The following CAPZB variants were observed in gnomAD, a reference collection of about 807,000 sequenced individuals.
The protein encoded by CAPZB is F-actin-capping protein subunit beta.
CAPZB carries 2 observed loss-of-function variants against 38.1 expected under a neutral mutation model. That is an observed-to-expected ratio of 0.05 (90% CI 0.02 to 0.17). The LOEUF is 0.17. CAPZB is among the 10% of genes least tolerant of loss of function. CAPZB has a pLI of 1.00. For missense variants in CAPZB, 161 were observed against 334.2 expected (o/e 0.48, Z 4.04); for synonymous variants, 107 against 127.4 (o/e 0.84, Z 1.08).
chr1:19,395,182 T>C (rs567852920), intron 2 of CAPZB, among the ~76,000 whole-genome samples: 95 of 152,328 alleles, frequency 6.2e-4, no homozygotes, highest in African/African-American at 2.2e-3. Flanking sequence ...CCTGCTCATA[T>C]GAGGCACATG....
chr1:19,482,671 G>T (rs573440304), intron 1 of CAPZB, among the ~76,000 whole-genome samples: 163 of 152,270 alleles, frequency 1.1e-3, no homozygotes, highest in African/African-American at 3.5e-3. Flanking sequence ...CAAAAATCAT[G>T]GAATTCATTC....
chr1:19,428,413 C>A lies in CAPZB; in HGVS notation c.4-8663G>T, dbSNP rs1056496774. ...GTGAGACTGTCCCACACCCTCCCCCCACCTGCCAAAAAAAAAAAGAAAAAG... is the reference window on the plus strand; with the variant it reads ...GTGAGACTGTCCCACACCCTCCCCCAACCTGCCAAAAAAAAAAAGAAAAAG... On this transcript the variant is annotated intron_variant, in intron 1 of 8. Coordinates refer to ENST00000264202, the MANE Select transcript of CAPZB (RefSeq NM_004930.5). Among the ~76,000 whole-genome samples the A allele has an allele frequency of 1.4e-4, 21 of 148,722 alleles. 1 individual carries two copies. Among genetic ancestry groups the A allele is most frequent in the Admixed American group, 1.4e-3 (20 of 14,650 alleles).
chr1:19,455,005 T>TC (rs1558277883), intron 1 of CAPZB, among the ~76,000 whole-genome samples: 1 of 152,160 alleles, frequency 6.6e-6, no homozygotes, highest in African/African-American at 2.4e-5. Context: ...AGGACACCGG[T>TC]CCCGCAAAGA....
intron 2 of CAPZB, 168 bp from the exon 3 acceptor site, chr1:19,385,794 CAACT>C: frequency 1.3e-6 from 1 of 799,820 alleles, no homozygotes; most frequent in Non-Finnish European, 2.3e-6. Flanking sequence ...TGTCTGACAC[CAACT>C]GTGTCCCTCT....
chr1:19,416,140 G>GT (rs891224433), intron 2 of CAPZB, among the ~76,000 whole-genome samples: 4 of 152,274 alleles, frequency 2.6e-5, no homozygotes, highest in African/African-American at 9.6e-5. Flanking sequence ...TCCGAGAAGG[G>GT]TTTTTTTGCC....
intron 2 of CAPZB, among the ~76,000 whole-genome samples, chr1:19,387,391 A>T (rs1269188284): frequency 6.6e-6 from 1 of 152,202 alleles, no homozygotes; most frequent in Non-Finnish European, 1.5e-5. Flanking sequence ...CTTCAACTGG[A>T]AGGAAGTCCT....
intron 2 of CAPZB, among the ~76,000 whole-genome samples, chr1:19,407,259 G>A (rs1481483649): frequency 6.6e-6 from 1 of 152,314 alleles, no homozygotes. Flanking sequence ...CTTGGCTAGT[G>A]GCACCTCACA....
At chr1:19,342,294 C>G (rs1276280398) in intron 8 of CAPZB, among the ~76,000 whole-genome samples, 1 of 152,244 alleles carries the variant, frequency 6.6e-6, no homozygotes, top group Non-Finnish European at 1.5e-5. Context: ...TCCAAGCCAG[C>G]TAGCCCTGGA....
intron 4 of CAPZB, among the ~76,000 whole-genome samples, chr1:19,362,357 T>G (rs1371718942): frequency 6.6e-6 from 1 of 152,164 alleles, no homozygotes; most frequent in African/African-American, 2.4e-5. Context: ...CTGCTTCAGC[T>G]TCCCAAGTAG....
intron 1 of CAPZB, among the ~76,000 whole-genome samples, chr1:19,440,598 A>G (rs2094472639): frequency 1.3e-5 from 2 of 152,000 alleles, no homozygotes; most frequent in Admixed American, 6.6e-5. Flanking sequence ...TTGTGCTCCT[A>G]TGACCAGTGT....
rs2094420662 is a variant in CAPZB, at chr1:19,425,881, T to C, written c.4-6131A>G. Among the ~76,000 whole-genome samples the C allele has an allele frequency of 2.6e-5, 4 of 152,320 alleles. 1 individual carries two copies. In the South Asian group the frequency reaches 8.3e-4, roughly 32 times the overall value. On this transcript the variant is annotated intron_variant, in intron 1 of 8. Coordinates refer to ENST00000264202, the MANE Select transcript of CAPZB (RefSeq NM_004930.5). The stretch of plus-strand genomic sequence containing the variant: ...TGTAACCAGTACCTACACTCCAAGT[T>C]TGGTAGAGTAAACACACCATCTACA...
At chr1:19,448,904 T>G in intron 1 of CAPZB, 1 of 1,612,930 alleles carries the variant, frequency 6.2e-7, no homozygotes, top group Non-Finnish European at 8.5e-7. Context: ...ATCCTGGAAC[T>G]GCCTGGGCAT....
At chr1:19,447,915 A>AATG (rs1350032656) in intron 1 of CAPZB, among the ~76,000 whole-genome samples, 1 of 152,216 alleles carries the variant, frequency 6.6e-6, no homozygotes, top group Non-Finnish European at 1.5e-5. Context: ...GAACAGGCTC[A>AATG]ATGTTGCTCT....
At chr1:19,442,721 C>G (rs1382263364) in intron 1 of CAPZB, among the ~76,000 whole-genome samples, 1 of 152,140 alleles carries the variant, frequency 6.6e-6, no homozygotes, top group Admixed American at 6.5e-5. Flanking sequence ...AACACAGGGT[C>G]CTCAAAAATC....
chr1:19,356,813 C>T lies in CAPZB; in HGVS notation c.472-62G>A. ...AGAGCCTGAAGTGGCCCCTGGAATT[C>T]AGGGTCATCCTAACATCTCCCTTCC... On this transcript the variant is annotated intron_variant, in intron 5 of 8. Coordinates refer to ENST00000264202, the MANE Select transcript of CAPZB (RefSeq NM_004930.5). The surrounding 1 kb of genome is among the most constrained non-coding windows in gnomAD (Gnocchi z 4.3). The T allele has an allele frequency of 9.8e-7, 1 of 1,022,094 alleles. No homozygotes were observed. Among genetic ancestry groups the T allele is most frequent in the East Asian group, 2.4e-5 (1 of 41,948 alleles). The allele number at this position is 1,022,094 out of a possible 1,614,324, so 63.3% of individuals were successfully genotyped here. A position where few individuals can be genotyped will look rare whatever the true frequency, so the allele number is the denominator to read the frequency against.
chr1:19,365,309 T>G (rs564578525), intron 4 of CAPZB, among the ~76,000 whole-genome samples: 20 of 152,282 alleles, frequency 1.3e-4, no homozygotes, highest in Admixed American at 4.6e-4. Flanking sequence ...CCCGAAGCTG[T>G]TGTGATCTGT....
At chr1:19,371,052 C>A (rs1570004703) in intron 4 of CAPZB, among the ~76,000 whole-genome samples, 1 of 152,180 alleles carries the variant, frequency 6.6e-6, no homozygotes, top group Non-Finnish European at 1.5e-5. Flanking sequence ...ACCTGGTGAC[C>A]GATCCCAAGG....
Position 19,471,681 on chromosome 1 carries a change from G to A in CAPZB, c.3+13755C>T, listed in dbSNP as rs189162281. On this transcript the variant is annotated intron_variant, in intron 1 of 8. Coordinates refer to ENST00000264202, the MANE Select transcript of CAPZB (RefSeq NM_004930.5). The stretch of plus-strand genomic sequence containing the variant: ...AGATCAAGACCATCCTGGCTAACAC[G>A]GTGAAACCCCGTCTCTACTAAAAAT... 6.6e-3 allele frequency among the ~76,000 whole-genome samples: 999 copies of A among 152,092 alleles called. 7 individuals are homozygous for A. The highest frequency in any genetic ancestry group is 0.023 in the African/African-American group (950 of 41,448).
intron 8 of CAPZB, among the ~76,000 whole-genome samples, chr1:19,341,589 T>A (rs2093929325): frequency 6.6e-6 from 1 of 152,192 alleles, no homozygotes; most frequent in Non-Finnish European, 1.5e-5. Flanking sequence ...GAGACAGTGC[T>A]CGACTCTGTG....
Sources: allele counts gnomAD v4.1 joint callset (sites outside exome capture counted in the v4.1 genomes callset), GRCh38; gene constraint gnomAD v4.1.1; non-coding constraint Gnocchi (gnomAD v3.1); transcripts MANE v1.5; gene names NCBI Gene and HGNC (gene_info 2026-07-23, HGNC 2026-07-21).